LAMA2: variants seen among roughly 807,000 people sequenced by gnomAD.
LAMA2 encodes laminin subunit alpha-2.
A neutral mutation model predicts 364.8 loss-of-function variants in LAMA2; 269 were observed. The ratio of observed to expected loss-of-function variants is 0.74; its 90% CI spans 0.67 to 0.82. The LOEUF (loss-of-function observed/expected upper bound fraction) is 0.82, where lower values mean the gene tolerates loss of function less well. Among genes scored for constraint, LAMA2 ranks in the 40% least tolerant of loss-of-function variants. LAMA2 has a pLI of 0.00. For synonymous variants in LAMA2, 1,379 were observed against 1,370.6 expected, an observed-to-expected ratio of 1.01 and a Z score of -0.14; for missense variants, 3,807 against 3,873.2, an observed-to-expected ratio of 0.98 and a Z score of 0.45.
chr6:129,242,996 G>A (rs1785496234), intron 12 of LAMA2, among the ~76,000 whole-genome samples: 2 of 152,082 alleles, frequency 1.3e-5, no homozygotes, highest in Admixed American at 1.3e-4. Flanking sequence ...ATTTTCAAGT[G>A]TGCTCAAATG....
chr6:129,453,280 A>G, intron 46 of LAMA2, 149 bp downstream of exon 46: 1 of 734,592 alleles, frequency 1.4e-6, no homozygotes, highest in Admixed American at 2.3e-5. Context: ...CTTACCTTAC[A>G]AAATTCTGAA....
intron 1 of LAMA2, among the ~76,000 whole-genome samples, chr6:128,965,289 T>G (rs1299033771): frequency 6.6e-6 from 1 of 152,038 alleles, no homozygotes; most frequent in African/African-American, 2.4e-5. Context: ...GTGAAATATT[T>G]TGCTCTGTTT....
intron 4 of LAMA2, among the ~76,000 whole-genome samples, chr6:129,110,652 A>G (rs1257795967): frequency 6.6e-6 from 1 of 152,006 alleles, no homozygotes; most frequent in African/African-American, 2.4e-5. Flanking sequence ...TATTATTCTC[A>G]TTTTACAGAT....
intron 1 of LAMA2, among the ~76,000 whole-genome samples, chr6:129,040,584 A>C (rs1031679645): frequency 1.3e-5 from 2 of 152,208 alleles, no homozygotes; most frequent in Non-Finnish European, 2.9e-5. Flanking sequence ...TGCCATGATC[A>C]TGCCACTGCA....
chr6:129,084,237 C>G (rs192594444), intron 3 of LAMA2, among the ~76,000 whole-genome samples: 60 of 152,284 alleles, frequency 3.9e-4, no homozygotes, highest in Non-Finnish European at 8.1e-4. Flanking sequence ...TCCCACTCTT[C>G]TTAATTGAAG....
At chr6:129,078,296 C>T (rs994314293) in intron 3 of LAMA2, among the ~76,000 whole-genome samples, 7 of 151,704 alleles carry the variant, frequency 4.6e-5, no homozygotes, top group African/African-American at 4.8e-5. Flanking sequence ...CACTATACCC[C>T]GCTAATTTTT....
Position 129,020,065 on chromosome 6 carries a change from G to A in LAMA2, c.113-29853G>A, listed in dbSNP as rs368683624. Reference sequence around the variant, plus strand: ...CGCACCACTGCACTCCAGCCTGGGCGACAAGAGCAAGACTCCATCTCAAAA... The same window carrying A: ...CGCACCACTGCACTCCAGCCTGGGCAACAAGAGCAAGACTCCATCTCAAAA... On this transcript the variant is annotated intron_variant, in intron 1 of 64. Coordinates refer to ENST00000421865, the MANE Select transcript of LAMA2 (RefSeq NM_000426.4). Among the ~76,000 whole-genome samples the A allele has an allele frequency of 3.5e-5, 5 of 141,908 alleles. No individual in the cohort carries two copies. The East Asian group carries it at 8.1e-4, about 23-fold the overall frequency. The allele number at this position is 141,908 out of a possible 152,430, so 93.1% of individuals were successfully genotyped here.
chr6:129,502,895 G>C, intron 59 of LAMA2, 124 bp downstream of exon 59: 1 of 861,536 alleles, frequency 1.2e-6, no homozygotes, highest in Non-Finnish European at 1.9e-6. Context: ...TATTCACTGA[G>C]TACAATAGAG....
intron 49 of LAMA2, 35 bp downstream of exon 49, chr6:129,460,359 C>T: frequency 1.2e-6 from 2 of 1,604,948 alleles, no homozygotes; most frequent in South Asian, 1.1e-5. Context: ...AGGGTCTGTC[C>T]TGTGCATAAT....
chr6:129,095,923 G>GAA (rs531081776), intron 3 of LAMA2, among the ~76,000 whole-genome samples: 4 of 140,452 alleles, frequency 2.8e-5, no homozygotes, highest in African/African-American at 7.8e-5. Context: ...ACGCAGTCTG[G>GAA]AAAAAAAAAA....
At chr6:129,243,761 C>T (rs1418805703) in intron 12 of LAMA2, among the ~76,000 whole-genome samples, 1 of 151,790 alleles carries the variant, frequency 6.6e-6, no homozygotes, top group Non-Finnish European at 1.5e-5. Context: ...AGGACTTTTC[C>T]CAACCAGTTC....
intron 1 of LAMA2, among the ~76,000 whole-genome samples, chr6:128,955,844 C>T (rs1781109426): frequency 1.3e-5 from 2 of 151,848 alleles, no homozygotes; most frequent in Non-Finnish European, 2.9e-5. Flanking sequence ...TAAATGCCTC[C>T]ATTTTTTAGA....
chr6:129,318,161 C>A (rs185155355), intron 27 of LAMA2, among the ~76,000 whole-genome samples: 2 of 152,022 alleles, frequency 1.3e-5, no homozygotes, highest in Non-Finnish European at 2.9e-5. Flanking sequence ...ATTAAAATAA[C>A]CTTGTATCTT....
chr6:128,999,096 C>A (rs1215873850), intron 1 of LAMA2, among the ~76,000 whole-genome samples: 99 of 4,030 alleles, frequency 0.025, 43 homozygotes, highest in African/African-American at 0.052. Context: ...GACTCCTGAC[C>A]CCCGAGCAGC....
intron 52 of LAMA2, among the ~76,000 whole-genome samples, chr6:129,474,557 G>A (rs987030319): frequency 6.6e-6 from 1 of 152,084 alleles, no homozygotes; most frequent in Admixed American, 6.6e-5. Flanking sequence ...CTATGTGACA[G>A]GCTCCATACC....
chr6:128,909,404 C>T (rs1040882804), intron 1 of LAMA2, among the ~76,000 whole-genome samples: 16 of 151,624 alleles, frequency 1.1e-4, no homozygotes, highest in Non-Finnish European at 2.1e-4. Context: ...CCTTCTTTGT[C>T]TCTTTTGATC....
chr6:129,285,303 C>A (rs1789027961), intron 18 of LAMA2, among the ~76,000 whole-genome samples: 2 of 152,164 alleles, frequency 1.3e-5, no homozygotes, highest in Non-Finnish European at 2.9e-5. Flanking sequence ...AATAGTCCCA[C>A]TTTCAGTAAC....
intron 22 of LAMA2, among the ~76,000 whole-genome samples, chr6:129,309,592 G>T (rs534115982): frequency 1.7e-4 from 26 of 152,286 alleles, no homozygotes; most frequent in African/African-American, 5.8e-4. Context: ...TTTTGTTTAA[G>T]TGAGTTAATA....
At chr6:128,921,618 T>A (rs1404599740) in intron 1 of LAMA2, among the ~76,000 whole-genome samples, 2 of 151,442 alleles carry the variant, frequency 1.3e-5, no homozygotes, top group Admixed American at 1.3e-4. Flanking sequence ...CATTTTTTCT[T>A]ACTGTGTCTA....
Sources: allele counts gnomAD v4.1 joint callset (sites outside exome capture counted in the v4.1 genomes callset), GRCh38; gene constraint gnomAD v4.1.1; transcripts MANE v1.5; gene names NCBI Gene and HGNC (gene_info 2026-07-23, HGNC 2026-07-21).